BANK1: variants seen among roughly 807,000 people sequenced by gnomAD.
BANK1 encodes the protein B-cell scaffold protein with ankyrin repeats.
A neutral mutation model predicts 94.5 loss-of-function variants in BANK1; 95 were observed. The ratio of observed to expected loss-of-function variants is 1.00; its 90% CI spans 0.85 to 1.19. BANK1 has a LOEUF of 1.19. BANK1 is among the 50% of genes most tolerant of loss of function. The probability of loss-of-function intolerance (pLI) is 0.00; values close to 1 mark genes in which losing one functional copy is unlikely to be tolerated. For synonymous variants in BANK1, 334 were observed against 308.4 expected (o/e 1.08, Z -0.87); for missense variants, 987 against 932.2 (o/e 1.06, Z -0.77).
chr4:102,032,310 T>C (rs1727348012), intron 10 of BANK1: 1 of 152,224 alleles, frequency 6.6e-6, no homozygotes, highest in African/African-American at 2.4e-5. Context: ...CATCCTTCTA[T>C]TGATGGTCAT....
intron 7 of BANK1, among the ~76,000 whole-genome samples, chr4:101,986,714 T>G (rs1179127892): frequency 6.6e-6 from 1 of 150,426 alleles, no homozygotes; most frequent in Admixed American, 6.7e-5. Context: ...CATGTCAAAC[T>G]TATTTCTCAT....
At chr4:102,062,424 G>A (rs2148964514) in intron 12 of BANK1, 1 of 152,272 alleles carries the variant, frequency 6.6e-6, no homozygotes, top group East Asian at 1.9e-4. Flanking sequence ...GTGGTTTCTA[G>A]GTTTCCAGGA....
chr4:101,819,255 A>T (rs115605889), intron 1 of BANK1, among the ~76,000 whole-genome samples: 16 of 152,228 alleles, frequency 1.1e-4, no homozygotes, highest in African/African-American at 2.4e-4. Flanking sequence ...TTTCCCTAGT[A>T]CACGTGCCTT....
chr4:101,810,143 G>A (rs1165674945), intron 1 of BANK1, among the ~76,000 whole-genome samples: 1 of 152,180 alleles, frequency 6.6e-6, no homozygotes, highest in South Asian at 2.1e-4. Context: ...CATTGGTCAA[G>A]AACTGTGGGT....
chr4:101,791,356 T>A (rs1724979652), intron 1 of BANK1, among the ~76,000 whole-genome samples: 1 of 152,226 alleles, frequency 6.6e-6, no homozygotes, highest in Non-Finnish European at 1.5e-5. Flanking sequence ...ACCGCTCATG[T>A]GTAGCGTCAC....
chr4:102,064,319 C>T (rs1300472990), intron 13 of BANK1, among the ~76,000 whole-genome samples: 1 of 152,084 alleles, frequency 6.6e-6, no homozygotes, highest in Non-Finnish European at 1.5e-5. Flanking sequence ...GTCATAAAGA[C>T]AGGGCCATCT....
chr4:101,821,433 T>C (rs560653774), intron 1 of BANK1, among the ~76,000 whole-genome samples: 1 of 152,358 alleles, frequency 6.6e-6, no homozygotes, highest in South Asian at 2.1e-4. Context: ...TTTCTTTTGC[T>C]GTTCAGAAAC....
intron 7 of BANK1, among the ~76,000 whole-genome samples, chr4:101,963,765 C>T (rs975556886): frequency 6.6e-6 from 1 of 152,046 alleles, no homozygotes; most frequent in Non-Finnish European, 1.5e-5. Flanking sequence ...AAATCATTTA[C>T]CCGAGGCCTT....
intron 1 of BANK1, among the ~76,000 whole-genome samples, chr4:101,802,146 A>T (rs1725375237): frequency 6.6e-6 from 1 of 152,182 alleles, no homozygotes; most frequent in East Asian, 1.9e-4. Flanking sequence ...TCCTCTACCC[A>T]GTACTTCCCT....
intron 7 of BANK1, among the ~76,000 whole-genome samples, chr4:101,921,806 A>G (rs1489897009): frequency 6.6e-6 from 1 of 151,818 alleles, no homozygotes; most frequent in Admixed American, 6.6e-5. Flanking sequence ...CATGAATATA[A>G]TAAGTTGTTA....
intron 7 of BANK1, among the ~76,000 whole-genome samples, chr4:101,934,365 T>G (rs1723457233): frequency 6.6e-6 from 1 of 151,378 alleles, no homozygotes; most frequent in Non-Finnish European, 1.5e-5. Flanking sequence ...CTTGACATAC[T>G]AAGAAGCTAC....
At chr4:102,029,628 C>G (rs1286712655) in intron 9 of BANK1, among the ~76,000 whole-genome samples, 2 of 148,778 alleles carry the variant, frequency 1.3e-5, no homozygotes, top group Non-Finnish European at 3.0e-5. Context: ...ATATATTGCT[C>G]TCTCTCTACA....
Position 101,870,638 on chromosome 4 carries a change from G to T in BANK1, c.897G>T (p.Leu299Phe). The T allele has an allele frequency of 9.3e-6, 15 of 1,609,522 alleles. No individual in the cohort carries two copies. The highest frequency in any genetic ancestry group is 1.3e-5 in the Non-Finnish European group (15 of 1,178,168). The change falls in exon 5 of 17, where the codon TTG becomes TTT. Residue 299 changes from leucine to phenylalanine, a missense_variant. By Grantham distance (22) the Leu-to-Phe change is conservative (BLOSUM62 0). Transcript: ENST00000322953. ...LFRMADSGES[L>F]CQNSIEELDG... ...GAATGGCAGATTCAGGAGAGAGTTTGTGCCAGGTAAGTTAATCTTTCCACG... is the reference window on the plus strand; with the variant it reads ...GAATGGCAGATTCAGGAGAGAGTTTTTGCCAGGTAAGTTAATCTTTCCACG...
chr4:102,031,406 A>T (rs983310037), intron 10 of BANK1, among the ~76,000 whole-genome samples: 1 of 152,100 alleles, frequency 6.6e-6, no homozygotes, highest in Non-Finnish European at 1.5e-5. Context: ...CACTCTGATG[A>T]TAGTTTCTTT....
Position 102,074,673 on chromosome 4 carries a change from A to G in BANK1, c.*674A>G, listed in dbSNP as rs182278417. 295 of 152,216 alleles carry G rather than the reference A, an allele frequency of 1.9e-3. 1 individual carries two copies. Among genetic ancestry groups the G allele is most frequent in the African/African-American group, 6.9e-3 (285 of 41,574 alleles). The allele number at this position is 152,216 out of a possible 1,614,324, so 9.4% of individuals were successfully genotyped here. The stretch of plus-strand genomic sequence containing the variant: ...GAAACAATTTACTAGCTTAGAATAG[A>G]AAGCAATGTTATCGTCATATAATTT... On this transcript the variant is annotated 3_prime_UTR_variant, in exon 17 of 17. Coordinates refer to ENST00000322953, the MANE Select transcript of BANK1 (RefSeq NM_017935.5).
At chr4:101,867,505 C>T (rs1458234645) in intron 4 of BANK1, among the ~76,000 whole-genome samples, 3 of 151,850 alleles carry the variant, frequency 2.0e-5, no homozygotes, top group Non-Finnish European at 2.9e-5. Context: ...AAGGTAAAAA[C>T]ACAATATTTC....
intron 7 of BANK1, among the ~76,000 whole-genome samples, chr4:102,015,462 C>T (rs1726661809): frequency 6.6e-6 from 1 of 152,134 alleles, no homozygotes; most frequent in Non-Finnish European, 1.5e-5. Context: ...CATCCCCACT[C>T]CAAATTTAAT....
intron 1 of BANK1, among the ~76,000 whole-genome samples, chr4:101,804,586 G>A (rs1372812371): frequency 2.0e-5 from 3 of 152,134 alleles, no homozygotes; most frequent in African/African-American, 4.8e-5. Context: ...ATTGAGGTCT[G>A]CAGCTGCAGT....
At chr4:101,810,994 C>T (rs894470339) in intron 1 of BANK1, among the ~76,000 whole-genome samples, 2 of 152,140 alleles carry the variant, frequency 1.3e-5, no homozygotes, top group Non-Finnish European at 1.5e-5. Context: ...TTTATCTCTA[C>T]GAATGAGGGA....
Sources: gnomAD v4.1 joint callset for allele counts (sites outside exome capture counted in the v4.1 genomes callset) on GRCh38, gnomAD v4.1.1 for gene constraint, MANE v1.5 for transcripts, NCBI Gene and HGNC (gene_info 2026-07-23, HGNC 2026-07-21) for gene names.